CACHD1: variants seen among roughly 807,000 people sequenced by gnomAD.
CACHD1 encodes the protein VWFA and cache domain-containing protein 1.
In CACHD1, 71 loss-of-function variants were observed where a neutral mutation model predicts 138.7. The observed-to-expected ratio is 0.51, with a 90% CI of 0.42 to 0.62. The LOEUF (loss-of-function observed/expected upper bound fraction) is 0.62, where lower values mean the gene tolerates loss of function less well. Among genes scored for constraint, CACHD1 ranks in the 20% least tolerant of loss-of-function variants. CACHD1 has a pLI of 0.00. For missense variants in CACHD1, 1,389 were observed against 1,625.3 expected, an observed-to-expected ratio of 0.85 and a Z score of 2.50; for synonymous variants, 578 against 591.5, an observed-to-expected ratio of 0.98 and a Z score of 0.33.
chr1:64,673,730 G>A (rs967839520), intron 19 of CACHD1, among the ~76,000 whole-genome samples: 1 of 152,140 alleles, frequency 6.6e-6, no homozygotes, highest in Non-Finnish European at 1.5e-5. Flanking sequence ...CCCAATGTAA[G>A]TCCTTTGAAA....
chr1:64,684,363 CT>C (rs397980387), intron 26 of CACHD1, among the ~76,000 whole-genome samples: 4,629 of 55,158 alleles, frequency 0.084, 95 homozygotes, highest in African/African-American at 0.19. Context: ...TCTTCTTCTT[CT>C]TTTTTTTTTT....
At chr1:64,496,449 T>C (rs537253099) in intron 1 of CACHD1, among the ~76,000 whole-genome samples, 3 of 152,304 alleles carry the variant, frequency 2.0e-5, no homozygotes, top group Non-Finnish European at 4.4e-5. Flanking sequence ...ACTTAGCTTC[T>C]CTGTGCTAGT....
chr1:64,594,741 T>A (rs986698801), intron 3 of CACHD1, among the ~76,000 whole-genome samples: 1 of 152,250 alleles, frequency 6.6e-6, no homozygotes, highest in Admixed American at 6.5e-5. Context: ...TTTCTTTCTT[T>A]TTAAAATCTG....
intron 3 of CACHD1, among the ~76,000 whole-genome samples, chr1:64,591,160 G>C (rs1243516488): frequency 6.6e-6 from 1 of 152,184 alleles, no homozygotes; most frequent in African/African-American, 2.4e-5. Context: ...GGGGATAAAA[G>C]ATGATATGCA....
At chr1:64,634,995 C>CA (rs71056059) in intron 7 of CACHD1, among the ~76,000 whole-genome samples, 53,659 of 63,984 alleles carry the variant, frequency 0.84, 22,881 homozygotes, top group East Asian at 0.91. Flanking sequence ...GACTCTGTCT[C>CA]AAAAAAAAAA....
chr1:64,651,055 C>T (rs939767993), intron 9 of CACHD1, among the ~76,000 whole-genome samples: 3 of 152,124 alleles, frequency 2.0e-5, no homozygotes, highest in Admixed American at 6.5e-5. Flanking sequence ...CTACATTTTC[C>T]TCCTGTGTGC....
intron 9 of CACHD1, among the ~76,000 whole-genome samples, chr1:64,648,352 A>G (rs1648980482): frequency 6.6e-6 from 1 of 152,212 alleles, no homozygotes; most frequent in Non-Finnish European, 1.5e-5. Flanking sequence ...AGCCTCAGAG[A>G]CAAGGCAACG....
intron 1 of CACHD1, among the ~76,000 whole-genome samples, chr1:64,521,379 T>C (rs1646497133): frequency 6.6e-6 from 1 of 152,240 alleles, no homozygotes; most frequent in African/African-American, 2.4e-5. Flanking sequence ...TTTAAAAGGT[T>C]CATGTAATTA....
intron 1 of CACHD1, among the ~76,000 whole-genome samples, chr1:64,546,552 C>G (rs1211068535): frequency 5.9e-5 from 9 of 152,038 alleles, no homozygotes; most frequent in Non-Finnish European, 1.3e-4. Context: ...CCAGGCTGGT[C>G]TTGAACTCCT....
chr1:64,474,973 CA>C (rs1203639146), intron 1 of CACHD1, among the ~76,000 whole-genome samples: 1 of 152,116 alleles, frequency 6.6e-6, no homozygotes, highest in East Asian at 1.9e-4. Flanking sequence ...GAAGAAATAC[CA>C]GAAGCAAGAA....
At chr1:64,598,944 A>ATATTATTATATATTAATATTAATAT in intron 3 of CACHD1, among the ~76,000 whole-genome samples, 1 of 147,952 alleles carries the variant, frequency 6.8e-6, no homozygotes, top group Middle Eastern at 3.6e-3. Context: ...ATTAATATTA[A>ATATTATTATATATTAATATTAATAT]TATATATTAA....
chr1:64,684,848 C>T (rs369897979), intron 26 of CACHD1, among the ~76,000 whole-genome samples: 9 of 152,072 alleles, frequency 5.9e-5, no homozygotes, highest in East Asian at 3.9e-4. Context: ...TTGCTCTTGT[C>T]GCCCAGGCTG....
chr1:64,590,139 C>G (rs1334599682), intron 3 of CACHD1, among the ~76,000 whole-genome samples: 1 of 151,978 alleles, frequency 6.6e-6, no homozygotes, highest in Non-Finnish European at 1.5e-5. Context: ...AAACCCGTCT[C>G]TACTAAAAAC....
chr1:64,575,478 A>G (rs1242812368), intron 2 of CACHD1, among the ~76,000 whole-genome samples: 1 of 152,250 alleles, frequency 6.6e-6, no homozygotes, highest in African/African-American at 2.4e-5. Context: ...ATACATTCAA[A>G]TAACTAAACT....
At chr1:64,631,668 G>GA (rs1203562521) in intron 5 of CACHD1, among the ~76,000 whole-genome samples, 1 of 152,104 alleles carries the variant, frequency 6.6e-6, no homozygotes, top group East Asian at 1.9e-4. Context: ...ACTGTGAATA[G>GA]AGACCTCATT....
intron 1 of CACHD1, among the ~76,000 whole-genome samples, chr1:64,482,977 G>A (rs1470047085): frequency 6.6e-6 from 1 of 152,174 alleles, no homozygotes; most frequent in Non-Finnish European, 1.5e-5. Context: ...CACAGACATT[G>A]CCCAGCAGCC....
chr1:64,630,817 C>T (rs566958730), intron 5 of CACHD1, among the ~76,000 whole-genome samples: 3 of 152,272 alleles, frequency 2.0e-5, no homozygotes, highest in Admixed American at 6.5e-5. Context: ...GAAAGTGAAA[C>T]CTTGTCAAAA....
chr1:64,691,177 T>G (rs1462978234), intron 26 of CACHD1, 146 bp from the exon 27 acceptor site: 22 of 686,378 alleles, frequency 3.2e-5, no homozygotes, highest in Middle Eastern at 3.8e-4. Flanking sequence ...AATAAATTAC[T>G]TTAGCATCTG....
intron 26 of CACHD1, among the ~76,000 whole-genome samples, chr1:64,690,611 C>T (rs12066810): frequency 0.098 from 14,973 of 152,164 alleles, 1,245 homozygotes; most frequent in African/African-American, 0.23. Flanking sequence ...GCTAGTTGCC[C>T]TGGGTATATG....
Sources: allele counts gnomAD v4.1 joint callset (sites outside exome capture counted in the v4.1 genomes callset), GRCh38; gene constraint gnomAD v4.1.1; transcripts MANE v1.5; gene names NCBI Gene and HGNC (gene_info 2026-07-23, HGNC 2026-07-21).